Variants in NKIRAS1 observed in about 807,000 individuals in gnomAD.
NKIRAS1 encodes NF-kappa-B inhibitor-interacting Ras-like protein 1.
Under a neutral mutation model 19.8 loss-of-function variants are expected in NKIRAS1, and 16 were observed. That is an observed-to-expected ratio of 0.81 (90% confidence interval 0.55 to 1.23). The LOEUF (loss-of-function observed/expected upper bound fraction) is 1.23. Ranked by LOEUF, NKIRAS1 falls within the 50% of genes most tolerant of loss-of-function variation. The pLI is 0.00. For missense variants in NKIRAS1, 184 were observed against 220.0 expected (o/e 0.84, Z 1.04); for synonymous variants, 88 against 79.0 (o/e 1.11, Z -0.61).
chr3:23,912,647 TC>T (rs756263557), intron 1 of NKIRAS1, among the ~76,000 whole-genome samples: 6 of 152,148 alleles, frequency 3.9e-5, no homozygotes, highest in Non-Finnish European at 5.9e-5. Context: ...TTCTCAAAGA[TC>T]TAGAACTAGA....
intron 1 of NKIRAS1, chr3:23,946,222 G>A: frequency 1.0e-6 from 1 of 985,464 alleles, no homozygotes; most frequent in South Asian, 4.7e-5. Context: ...TGACACCGCA[G>A]TGCACCGGAC....
upstream of NKIRAS1, among the ~76,000 whole-genome samples, chr3:23,921,386 A>C (rs1705071516): frequency 6.6e-6 from 1 of 152,138 alleles, no homozygotes; most frequent in African/African-American, 2.4e-5. Flanking sequence ...TCCACACCCC[A>C]GGCTCCTTGC....
chr3:23,907,591 G>A (rs565110127), intron 3 of NKIRAS1, among the ~76,000 whole-genome samples: 1 of 152,322 alleles, frequency 6.6e-6, no homozygotes, highest in Middle Eastern at 3.4e-3. Context: ...TGTTGCAAAA[G>A]CAGTGGTGGG....
At chr3:23,932,810 C>T (rs144173100) in intron 1 of NKIRAS1, among the ~76,000 whole-genome samples, 61 of 152,156 alleles carry the variant, frequency 4.0e-4, no homozygotes, top group African/African-American at 1.3e-3. Flanking sequence ...TTACTTCTTC[C>T]TCTTCCTCCA....
In NKIRAS1 at chr3:23,892,655, A is replaced by T. The variant is rs1701555144; in HGVS notation, c.*440T>A. On this transcript the variant is annotated 3_prime_UTR_variant, in exon 5 of 5. Coordinates refer to ENST00000425478, the MANE Select transcript of NKIRAS1 (RefSeq NM_020345.4). ...CAATTTAGACACAAAAAAATGTTTTATAATCCTAGACATTAGATTAATGAA... is the reference window on the plus strand; with the variant it reads ...CAATTTAGACACAAAAAAATGTTTTTTAATCCTAGACATTAGATTAATGAA... 6.6e-6 allele frequency: 1 copy of T among 152,540 alleles called. No individual in the cohort carries two copies. Among genetic ancestry groups the T allele is most frequent in the African/African-American group, 2.4e-5 (1 of 41,470 alleles). 9.4% of individuals were successfully genotyped at this position (152,540 alleles called of 1,614,324 possible).
chr3:23,893,384 TCAGTTCCTGGG>T (rs751115570), intron 4 of NKIRAS1, 47 bp from the exon 5 acceptor site: 14 of 1,542,630 alleles, frequency 9.1e-6, no homozygotes, highest in African/African-American at 1.4e-5. Context: ...TTTGCCAACA[TCAGTTCCTGGG>T]CAAAATGGAG....
chr3:23,920,887 G>T, upstream of NKIRAS1: 1 of 579,336 alleles, frequency 1.7e-6, no homozygotes, highest in East Asian at 1.4e-4. Context: ...CAGTGCTAAT[G>T]TACTTTAAAG....
chr3:23,945,309 T>C (rs900948788), intron 1 of NKIRAS1: 4 of 157,014 alleles, frequency 2.5e-5, no homozygotes, highest in African/African-American at 9.7e-5. Flanking sequence ...GCCGCCGCGG[T>C]GCGCTGGCTG....
intron 1 of NKIRAS1, among the ~76,000 whole-genome samples, chr3:23,931,158 G>A (rs73822603): frequency 0.024 from 3,628 of 152,248 alleles, 136 homozygotes; most frequent in African/African-American, 0.081. Context: ...ACCGTAAACA[G>A]TGTTTCCATC....
rs191464896 is a variant in NKIRAS1, at chr3:23,902,330, T to C, written c.95-1281A>G. On this transcript the variant is annotated intron_variant, in intron 3 of 4. Coordinates refer to ENST00000425478, the MANE Select transcript of NKIRAS1 (RefSeq NM_020345.4). Reference sequence around the variant, plus strand: ...AAAGGAATAATCACATGGTAATACATAGATTGGATCATTGAGAAACCAAAA... The same window carrying C: ...AAAGGAATAATCACATGGTAATACACAGATTGGATCATTGAGAAACCAAAA... 4.0e-4 allele frequency among the ~76,000 whole-genome samples: 61 copies of C among 152,296 alleles called. No individual in the cohort carries two copies. In the Middle Eastern group the frequency reaches 0.01, roughly 25 times the overall value.
chr3:23,944,461 G>T lies in NKIRAS1; in HGVS notation c.-140+1862C>A, dbSNP rs6771641. Among the ~76,000 whole-genome samples the T allele has an allele frequency of 7.9e-3, 1,196 of 152,190 alleles. 14 individuals carry two copies. The highest frequency in any genetic ancestry group is 0.027 in the African/African-American group (1,125 of 41,512). On this transcript the variant is annotated intron_variant, in intron 1 of 4. Coordinates refer to the NKIRAS1 transcript ENST00000421515. ...CTTACTTCAGTAATGCGTTTAAATTGCGGGCATCAATGCACTTTCCTCAGA... is the reference window on the plus strand; with the variant it reads ...CTTACTTCAGTAATGCGTTTAAATTTCGGGCATCAATGCACTTTCCTCAGA...
intron 3 of NKIRAS1, among the ~76,000 whole-genome samples, chr3:23,905,640 G>A (rs988937153): frequency 3.3e-5 from 5 of 152,096 alleles, no homozygotes; most frequent in Admixed American, 3.3e-4. Context: ...TGAAGTAAAG[G>A]AAATCACAAG....
intron 1 of NKIRAS1, chr3:23,946,197 C>T (rs1705697727): frequency 1.0e-5 from 10 of 985,286 alleles, no homozygotes; most frequent in African/African-American, 1.7e-5. Context: ...GGCGGGGCGT[C>T]CCCGAAGCGG....
intron 1 of NKIRAS1, among the ~76,000 whole-genome samples, chr3:23,933,383 G>C (rs1218782586): frequency 2.0e-5 from 3 of 152,170 alleles, no homozygotes; most frequent in African/African-American, 7.2e-5. Flanking sequence ...AGGGACATTT[G>C]ACAATGTCCA....
intron 1 of NKIRAS1, chr3:23,945,169 C>G (rs1341837774): frequency 1.0e-5 from 1 of 100,074 alleles, no homozygotes; most frequent in African/African-American, 3.8e-5. Context: ...GCCGGGGAGC[C>G]GGGAAGCGGG....
chr3:23,909,480 T>C (rs903621572), intron 3 of NKIRAS1, among the ~76,000 whole-genome samples: 5 of 152,186 alleles, frequency 3.3e-5, no homozygotes, highest in African/African-American at 1.2e-4. Context: ...TGAGCCGAGA[T>C]TGCACCACTG....
At chr3:23,932,506 T>C (rs1705335587) in intron 1 of NKIRAS1, among the ~76,000 whole-genome samples, 1 of 151,878 alleles carries the variant, frequency 6.6e-6, no homozygotes, top group African/African-American at 2.4e-5. Flanking sequence ...CTGACCAACA[T>C]GGAGAAACCC....
rs1705228480 is a variant in NKIRAS1, at chr3:23,927,355, T to C, written c.-139-15905A>G. Among the ~76,000 whole-genome samples the C allele has an allele frequency of 6.6e-6, 1 of 152,030 alleles. No individual in the cohort carries two copies. Among genetic ancestry groups the C allele is most frequent in the Non-Finnish European group, 1.5e-5 (1 of 68,010 alleles). On this transcript the variant is annotated intron_variant, in intron 1 of 4. Transcript: ENST00000421515. The surrounding 1 kb of genome is among the most constrained non-coding windows in gnomAD (Gnocchi z 4.0). ...GTCAACATAGTGAGGCCCCCATCTC[T>C]ATATTTCTTAGTTGAGGAAAGAAAA...
intron 1 of NKIRAS1, among the ~76,000 whole-genome samples, chr3:23,940,168 C>CAAA (rs1293108063): frequency 7.0e-5 from 5 of 71,686 alleles, no homozygotes; most frequent in Admixed American, 3.3e-4. Context: ...CCATCTCTAC[C>CAAA]AAAAAAAAAA....
Sources: allele counts gnomAD v4.1 joint callset (sites outside exome capture counted in the v4.1 genomes callset), GRCh38; gene constraint gnomAD v4.1.1; non-coding constraint Gnocchi (gnomAD v3.1); transcripts MANE v1.5; gene names NCBI Gene and HGNC (gene_info 2026-07-23, HGNC 2026-07-21).